The following ERI1 variants were observed in gnomAD, a reference collection of about 807,000 sequenced individuals.
The protein encoded by ERI1 is exoribonuclease 1.
A neutral mutation model predicts 39.7 loss-of-function variants in ERI1; 39 were observed. The observed-to-expected ratio is 0.98, with a 90% CI of 0.76 to 1.28. ERI1 has a LOEUF of 1.28. Among genes scored for constraint, ERI1 ranks in the 50% most tolerant of loss-of-function variants. ERI1 has a pLI of 0.00. For missense variants in ERI1, 581 were observed against 416.9 expected, an observed-to-expected ratio of 1.39 and a Z score of -3.43; for synonymous variants, 204 against 149.6, an observed-to-expected ratio of 1.36 and a Z score of -2.65.
intron 3 of ERI1, among the ~76,000 whole-genome samples, chr8:9,059,757 G>A (rs1159015212): frequency 2.0e-5 from 3 of 152,150 alleles, no homozygotes; most frequent in African/African-American, 4.8e-5. Context: ...AGCACCAGGC[G>A]ATATCAGCTG....
downstream of ERI1, among the ~76,000 whole-genome samples, chr8:9,035,467 A>G (rs527910319): frequency 1.3e-5 from 2 of 152,316 alleles, no homozygotes; most frequent in African/African-American, 2.4e-5. Flanking sequence ...CCTGTGCTCT[A>G]TAAAGGGAAC....
At chr8:9,006,893 A>T (rs1816076813) in intron 1 of ERI1, among the ~76,000 whole-genome samples, 1 of 152,180 alleles carries the variant, frequency 6.6e-6, no homozygotes, top group Non-Finnish European at 1.5e-5. Flanking sequence ...AACCATCAGG[A>T]TCAGTTCTGA....
intron 6 of ERI1, among the ~76,000 whole-genome samples, chr8:9,026,160 T>C (rs537848782): frequency 7.9e-5 from 12 of 152,328 alleles, no homozygotes; most frequent in Admixed American, 4.6e-4. Context: ...TGTGACGTTA[T>C]GTTGGCCCTC....
At chr8:9,091,034 T>C (rs1799685013) in intron 3 of ERI1, among the ~76,000 whole-genome samples, 1 of 152,210 alleles carries the variant, frequency 6.6e-6, no homozygotes, top group Non-Finnish European at 1.5e-5. Context: ...CTGAAAATAT[T>C]TTTTTCCAAA....
In ERI1 at chr8:9,030,046, T is replaced by A; in HGVS notation, c.*12T>A. On this transcript the variant is annotated 3_prime_UTR_variant, in exon 7 of 7. Coordinates refer to ENST00000250263, the MANE Select transcript of ERI1 (RefSeq NM_153332.4). ...ATTTTAGAAAGTAACAACAGTTTTG[T>A]GTGTGGATCATTCCAATTGAAGTTG... 1 of 1,611,480 alleles carries A rather than the reference T, an allele frequency of 6.2e-7. No individual in the cohort carries two copies.
chr8:9,052,946 C>A (rs1240916337), intron 3 of ERI1, among the ~76,000 whole-genome samples: 2 of 152,192 alleles, frequency 1.3e-5, no homozygotes, highest in Admixed American at 1.3e-4. Context: ...ACCCCTCAAC[C>A]TCTGGAGAGA....
chr8:9,057,886 G>A (rs75316675), intron 3 of ERI1, among the ~76,000 whole-genome samples: 25,188 of 152,032 alleles, frequency 0.17, 2,458 homozygotes, highest in Non-Finnish European at 0.23. Flanking sequence ...CCATGGGGAA[G>A]AACAGTAGGA....
chr8:9,097,913 A>G (rs1194905043), intron 3 of ERI1, among the ~76,000 whole-genome samples: 2 of 152,194 alleles, frequency 1.3e-5, no homozygotes, highest in Non-Finnish European at 1.5e-5. Flanking sequence ...TGGTATATGT[A>G]TATACACCAT....
At chr8:9,068,115 T>A (rs1798938871) in intron 3 of ERI1, among the ~76,000 whole-genome samples, 2 of 152,164 alleles carry the variant, frequency 1.3e-5, no homozygotes, top group Non-Finnish European at 2.9e-5. Flanking sequence ...AATCCAGAAT[T>A]GCTTTTCTCC....
At chr8:9,003,888 A>C (rs190296606) in intron 1 of ERI1, among the ~76,000 whole-genome samples, 31 of 152,362 alleles carry the variant, frequency 2.0e-4, no homozygotes, top group Middle Eastern at 3.4e-3. Context: ...TATTTGCAAG[A>C]GGCCTCCTAA....
At chr8:9,035,074 T>G (rs1050448027), downstream of ERI1, among the ~76,000 whole-genome samples, 7 of 152,214 alleles carry the variant, frequency 4.6e-5, no homozygotes, top group Non-Finnish European at 8.8e-5. Context: ...AAGAAAAATT[T>G]GAAGCCAGCA....
chr8:9,080,663 G>C (rs1233834213), intron 3 of ERI1, among the ~76,000 whole-genome samples: 1 of 152,322 alleles, frequency 6.6e-6, no homozygotes, highest in East Asian at 1.9e-4. Flanking sequence ...TTCTAGACGT[G>C]TCTTTGGGTT....
intron 3 of ERI1, among the ~76,000 whole-genome samples, chr8:9,098,660 G>T (rs1249810339): frequency 6.6e-6 from 1 of 151,722 alleles, no homozygotes; most frequent in African/African-American, 2.4e-5. Flanking sequence ...AATCACAGAA[G>T]TCACCACAAA....
intron 3 of ERI1, among the ~76,000 whole-genome samples, chr8:9,073,818 AG>A (rs756199351): frequency 6.6e-6 from 1 of 152,220 alleles, no homozygotes; most frequent in Non-Finnish European, 1.5e-5. Flanking sequence ...CATAGAATCC[AG>A]TACACCTTCT....
chr8:9,016,275 A>G (rs771947781), intron 3 of ERI1, 47 bp from the exon 4 acceptor site: 7 of 1,237,858 alleles, frequency 5.7e-6, no homozygotes, highest in African/African-American at 3.0e-5. Flanking sequence ...TGTATCGTGT[A>G]TCTTAACTCA....
intron 2 of ERI1, among the ~76,000 whole-genome samples, chr8:9,009,613 C>T (rs1468810069): frequency 6.7e-6 from 1 of 149,984 alleles, no homozygotes; most frequent in African/African-American, 2.5e-5. Flanking sequence ...GATCTCGGCT[C>T]ACTGCAACCT....
At chr8:9,004,523 GT>G (rs1815757194) in intron 1 of ERI1, among the ~76,000 whole-genome samples, 1 of 129,638 alleles carries the variant, frequency 7.7e-6, no homozygotes, top group Admixed American at 8.8e-5. Context: ...CAAAAAGCCG[GT>G]CGTAGTTGCC....
At chr8:9,085,105 T>A (rs1405950324) in intron 3 of ERI1, among the ~76,000 whole-genome samples, 1 of 152,224 alleles carries the variant, frequency 6.6e-6, no homozygotes, top group Non-Finnish European at 1.5e-5. Flanking sequence ...ACCAATCTGC[T>A]TTGTAACAAA....
intron 6 of ERI1, among the ~76,000 whole-genome samples, chr8:9,028,832 C>T (rs1418635919): frequency 6.6e-6 from 1 of 152,052 alleles, no homozygotes; most frequent in Non-Finnish European, 1.5e-5. Context: ...CCATGTTGGC[C>T]AGGCTGGTCT....
Sources: allele counts gnomAD v4.1 joint callset (sites outside exome capture counted in the v4.1 genomes callset), GRCh38; gene constraint gnomAD v4.1.1; transcripts MANE v1.5; gene names NCBI Gene and HGNC (gene_info 2026-07-23, HGNC 2026-07-21).